Variants in TENM2 observed in about 807,000 individuals in gnomAD.
TENM2 encodes teneurin transmembrane protein 2.
A neutral mutation model predicts 245.2 loss-of-function variants in TENM2; 52 were observed. That is an observed-to-expected ratio of 0.21 (90% CI 0.17 to 0.27). The LOEUF (loss-of-function observed/expected upper bound fraction) is 0.27. Ranked by LOEUF, TENM2 falls within the 10% of genes least tolerant of loss-of-function variation. The probability of loss-of-function intolerance (pLI) is 1.00; values close to 1 mark genes in which losing one functional copy is unlikely to be tolerated. For missense variants in TENM2, 3,046 were observed against 3,666.8 expected (o/e 0.83, Z 4.37); for synonymous variants, 1,363 against 1,438.9 (o/e 0.95, Z 1.19).
At chr5:167,232,266 T>C in the TENM2 span, among the ~76,000 whole-genome samples, 5 of 151,198 alleles carry the variant, frequency 3.3e-5, no homozygotes, top group African/African-American at 1.2e-4. Context: ...GTCCCCAGAA[T>C]GATCGATTCA....
intron 2 of TENM2, among the ~76,000 whole-genome samples, chr5:167,423,231 T>C (rs1763615310): frequency 6.6e-6 from 1 of 152,162 alleles, no homozygotes; most frequent in Non-Finnish European, 1.5e-5. Flanking sequence ...TTAGGGGTCA[T>C]TGGTACATTT....
At chr5:167,103,422 T>A in the TENM2 span, among the ~76,000 whole-genome samples, 1 of 152,240 alleles carries the variant, frequency 6.6e-6, no homozygotes, top group South Asian at 2.1e-4. Flanking sequence ...ACCGAAGGAG[T>A]TCAGGGACTA....
chr5:167,384,288 G>A (rs1270415121), intron 2 of TENM2, among the ~76,000 whole-genome samples: 1 of 152,166 alleles, frequency 6.6e-6, no homozygotes, highest in African/African-American at 2.4e-5. Flanking sequence ...GGTACAGTAA[G>A]GGAAGCTTTG....
chr5:168,233,691 G>A (rs1765150263), intron 25 of TENM2, among the ~76,000 whole-genome samples: 1 of 152,164 alleles, frequency 6.6e-6, no homozygotes, highest in Non-Finnish European at 1.5e-5. Context: ...GTACTAGTCT[G>A]TTTTCACGCT....
intron 2 of TENM2, among the ~76,000 whole-genome samples, chr5:167,446,391 C>G (rs1017422569): frequency 6.6e-6 from 1 of 152,114 alleles, no homozygotes; most frequent in African/African-American, 2.4e-5. Flanking sequence ...GGCCCAGCAC[C>G]CCATTTTCTC....
intron 4 of TENM2, chr5:167,966,931 G>A (rs1781426577): frequency 6.6e-6 from 1 of 152,134 alleles, no homozygotes; most frequent in Non-Finnish European, 1.5e-5. Context: ...CAGGCAACAT[G>A]GAAATTAATG....
At chr5:167,602,069 G>A (rs755316358) in intron 2 of TENM2, among the ~76,000 whole-genome samples, 13 of 151,578 alleles carry the variant, frequency 8.6e-5, no homozygotes, top group Non-Finnish European at 1.3e-4. Context: ...GCCAGGAAAC[G>A]TGGGAAGGTT....
chr5:167,515,821 A>G (rs1016589358), intron 2 of TENM2, among the ~76,000 whole-genome samples: 7 of 151,346 alleles, frequency 4.6e-5, no homozygotes, highest in Admixed American at 4.0e-4. Context: ...ACCTGCCACC[A>G]CGCTCATAGG....
intron 2 of TENM2, among the ~76,000 whole-genome samples, chr5:167,464,165 A>G (rs573096018): frequency 6.6e-6 from 1 of 152,154 alleles, no homozygotes; most frequent in Non-Finnish European, 1.5e-5. Context: ...TGTTCTTAGG[A>G]GACTTGCTGC....
chr5:167,391,622 C>CAA lies in TENM2; in HGVS notation c.502+16173_502+16174dup, dbSNP rs56202184. Among the ~76,000 whole-genome samples, 145 of 53,470 alleles carry CAA rather than the reference C, an allele frequency of 2.7e-3. 1 individual carries two copies. Among genetic ancestry groups the CAA allele is most frequent in the Non-Finnish European group, 4.1e-3 (108 of 26,198 alleles). 35.1% of individuals were successfully genotyped at this position (53,470 alleles called of 152,430 possible). A position where few individuals can be genotyped will look rare whatever the true frequency, so the allele number is the denominator to read the frequency against. On this transcript the variant is annotated intron_variant, in intron 2 of 28. Coordinates refer to ENST00000518659, the Ensembl canonical transcript of TENM2. ...ACTGGGAAACAGAGCAAGACTTCAT[C>CAA]AAAAAAAAAAAAAAAAAAAAAAAAA...
At chr5:166,984,268 G>T in the TENM2 span, among the ~76,000 whole-genome samples, 2 of 152,050 alleles carry the variant, frequency 1.3e-5, no homozygotes, top group Non-Finnish European at 2.9e-5. Flanking sequence ...AGGAGACAAG[G>T]ACTAAAGCGG....
chr5:167,295,241 A>G (rs1167440108), intron 1 of TENM2, among the ~76,000 whole-genome samples: 4 of 152,224 alleles, frequency 2.6e-5, no homozygotes, highest in Admixed American at 6.5e-5. Flanking sequence ...CCAGCATGAC[A>G]ATGTCAAATC....
chr5:167,864,685 G>T (rs2151306579), intron 2 of TENM2, among the ~76,000 whole-genome samples: 1 of 152,264 alleles, frequency 6.6e-6, no homozygotes, highest in South Asian at 2.1e-4. Context: ...TCTAAAATCA[G>T]AAAACCTCGG....
chr5:167,307,038 G>A (rs1469328431), intron 1 of TENM2, among the ~76,000 whole-genome samples: 1 of 152,200 alleles, frequency 6.6e-6, no homozygotes, highest in Non-Finnish European at 1.5e-5. Flanking sequence ...GTGCAAGAAA[G>A]TCTGTTGACT....
At chr5:167,251,792 G>A in the TENM2 span, among the ~76,000 whole-genome samples, 1 of 152,164 alleles carries the variant, frequency 6.6e-6, no homozygotes, top group South Asian at 2.1e-4. Context: ...TAGAGATTTT[G>A]CTTTTTAGTT....
upstream of TENM2, among the ~76,000 whole-genome samples, chr5:167,283,994 C>T (rs1771195938): frequency 6.6e-6 from 1 of 151,876 alleles, no homozygotes; most frequent in Admixed American, 6.6e-5. Context: ...GTGGGTATCC[C>T]AGCAATGAAG....
chr5:167,225,275 A>G, the TENM2 span, among the ~76,000 whole-genome samples: 8 of 152,166 alleles, frequency 5.3e-5, no homozygotes, highest in East Asian at 1.2e-3. Context: ...ACTTTCTCCC[A>G]TTCAGTATAG....
At chr5:167,209,170 A>G in the TENM2 span, among the ~76,000 whole-genome samples, 43 of 152,170 alleles carry the variant, frequency 2.8e-4, no homozygotes, top group Non-Finnish European at 5.4e-4. Flanking sequence ...TACCTACTTC[A>G]TATCGCTACT....
intron 2 of TENM2, among the ~76,000 whole-genome samples, chr5:167,670,602 C>T (rs1161175620): frequency 2.0e-5 from 3 of 152,114 alleles, no homozygotes; most frequent in Admixed American, 6.5e-5. Context: ...CAAGAGTGTT[C>T]TTCAGACAGG....
Sources: gnomAD v4.1 joint callset for allele counts (sites outside exome capture counted in the v4.1 genomes callset) on GRCh38, gnomAD v4.1.1 for gene constraint, MANE v1.5 for transcripts, NCBI Gene and HGNC (gene_info 2026-07-23, HGNC 2026-07-21) for gene names.